ACTN1: variants seen among roughly 807,000 people sequenced by gnomAD.
The protein encoded by ACTN1 is actinin alpha 1.
ACTN1 carries 30 observed loss-of-function variants against 119.6 expected under a neutral mutation model. The ratio of observed to expected loss-of-function variants is 0.25; its 90% CI spans 0.19 to 0.34. The LOEUF (loss-of-function observed/expected upper bound fraction) is 0.34, where lower values mean the gene tolerates loss of function less well. ACTN1 is among the 10% of genes least tolerant of loss of function. The pLI is 1.00. For missense variants in ACTN1, 764 were observed against 1,223.4 expected, an observed-to-expected ratio of 0.62 and a Z score of 5.60; for synonymous variants, 429 against 472.6, an observed-to-expected ratio of 0.91 and a Z score of 1.20.
intron 1 of ACTN1, among the ~76,000 whole-genome samples, chr14:68,959,051 G>A (rs544363361): frequency 2.0e-4 from 31 of 152,260 alleles, no homozygotes; most frequent in African/African-American, 4.3e-4. Flanking sequence ...CAAAACCCGC[G>A]ATTACTTTTG....
At chr14:68,951,903 T>C (rs1389262009) in intron 1 of ACTN1, among the ~76,000 whole-genome samples, 1 of 152,242 alleles carries the variant, frequency 6.6e-6, no homozygotes, top group Non-Finnish European at 1.5e-5. Flanking sequence ...ACTATACTAA[T>C]GCTGGCAAAC....
intron 1 of ACTN1, among the ~76,000 whole-genome samples, chr14:68,975,912 T>C (rs2037044291): frequency 6.6e-6 from 1 of 152,126 alleles, no homozygotes; most frequent in Non-Finnish European, 1.5e-5. Flanking sequence ...CAGGCCATAC[T>C]TTCACCAAGG....
At chr14:68,901,249 GTT>G (rs564351239) in intron 8 of ACTN1, among the ~76,000 whole-genome samples, 15,131 of 103,092 alleles carry the variant, frequency 0.15, 563 homozygotes, top group African/African-American at 0.18. Context: ...TTTTTGTTTT[GTT>G]TTTTTTTTTT....
chr14:68,908,017 T>C (rs933638284), intron 6 of ACTN1, among the ~76,000 whole-genome samples: 2 of 152,084 alleles, frequency 1.3e-5, no homozygotes, highest in Non-Finnish European at 1.5e-5. Flanking sequence ...TCTCTTTTTT[T>C]TTTTTTCCTT....
intron 1 of ACTN1, among the ~76,000 whole-genome samples, chr14:68,966,572 AAAG>A (rs1465061460): frequency 6.6e-6 from 1 of 152,018 alleles, no homozygotes; most frequent in African/African-American, 2.4e-5. Context: ...CTAATAAATC[AAAG>A]AAGACAGTCT....
At chr14:68,915,544 A>C (rs1326393153) in intron 3 of ACTN1, among the ~76,000 whole-genome samples, 3 of 152,240 alleles carry the variant, frequency 2.0e-5, no homozygotes, top group African/African-American at 7.2e-5. Context: ...TTCAGTATGA[A>C]GCCTGGCACA....
At chr14:68,893,189 C>T (rs1194547983) in intron 9 of ACTN1, among the ~76,000 whole-genome samples, 1 of 152,180 alleles carries the variant, frequency 6.6e-6, no homozygotes, top group African/African-American at 2.4e-5. Flanking sequence ...GGAAACCCAG[C>T]ACTGTGCCAT....
Position 68,878,947 on chromosome 14 carries a change from C to T in ACTN1, c.2361+42G>A, listed in dbSNP as rs1286018412. 2.5e-6 allele frequency: 4 copies of T among 1,612,608 alleles called. 1 individual carries two copies. The Middle Eastern group carries it at 5.0e-4, about 200-fold the overall frequency. ...AGGAAAAACGCATTATTTCTTGCCC[C>T]AGACGCCACCCCTGAGCGTGCTCCA... On this transcript the variant is annotated intron_variant, in intron 19 of 21. Transcript: ENST00000394419. The surrounding 1 kb of genome is among the most constrained non-coding windows in gnomAD (Gnocchi z 4.4).
In ACTN1 at chr14:68,933,013, T is replaced by C. The variant is rs1229714278; in HGVS notation, c.106-7341A>G. On this transcript the variant is annotated intron_variant, in intron 1 of 21. Coordinates refer to ENST00000394419, the MANE Select transcript of ACTN1 (RefSeq NM_001130004.2). ...TGAGTGCTTTACCTCCTTTAACTCATTGAATCATCACAATGACACTGTGGG... is the reference window on the plus strand; with the variant it reads ...TGAGTGCTTTACCTCCTTTAACTCACTGAATCATCACAATGACACTGTGGG... Among the ~76,000 whole-genome samples the C allele has an allele frequency of 2.6e-5, 4 of 152,200 alleles. No individual in the cohort carries two copies. The East Asian group carries it at 5.8e-4, about 22-fold the overall frequency.
intron 21 of ACTN1, among the ~76,000 whole-genome samples, chr14:68,875,344 A>G (rs2030774323): frequency 6.6e-6 from 1 of 152,264 alleles, no homozygotes; most frequent in Non-Finnish European, 1.5e-5. Context: ...GAGCAGTATC[A>G]GCAGATACTC....
chr14:68,918,452 G>C (rs75044849), intron 3 of ACTN1, among the ~76,000 whole-genome samples: 1 of 152,004 alleles, frequency 6.6e-6, no homozygotes, highest in African/African-American at 2.4e-5. Context: ...CAGGCGTGGT[G>C]GTGGGCGCCT....
chr14:68,947,737 T>G (rs2035988798), intron 1 of ACTN1, among the ~76,000 whole-genome samples: 1 of 152,232 alleles, frequency 6.6e-6, no homozygotes, highest in Admixed American at 6.5e-5. Context: ...TCTTATTTTC[T>G]GTCCCCAAAT....
chr14:68,893,853 G>T, intron 8 of ACTN1, 106 bp from the exon 9 acceptor site: 2 of 1,055,830 alleles, frequency 1.9e-6, no homozygotes, highest in Non-Finnish European at 2.8e-6. Flanking sequence ...GCTCCCTGTG[G>T]TTGGAAGGGA....
Position 68,888,019 on chromosome 14 carries a change from C to T in ACTN1, c.1234+2120G>A, listed in dbSNP as rs999041655. ...TTGCAGGAGGTTTAACTGACAACCG[C>T]GCCGATCTCCTCTTGGGCTTTTCCT... is the stretch of plus-strand genomic sequence containing the variant. On this transcript the variant is annotated intron_variant, in intron 11 of 21. Coordinates refer to ENST00000394419, the MANE Select transcript of ACTN1 (RefSeq NM_001130004.2). The T allele has an allele frequency of 1.3e-4, 100 of 742,504 alleles. No individual in the cohort carries two copies. In the Middle Eastern group the frequency reaches 1.9e-3, roughly 14 times the overall value. 46.0% of individuals were successfully genotyped at this position (742,504 alleles called of 1,614,324 possible).
intron 1 of ACTN1, among the ~76,000 whole-genome samples, chr14:68,973,253 T>C (rs1264085530): frequency 6.6e-6 from 1 of 151,916 alleles, no homozygotes; most frequent in African/African-American, 2.4e-5. Flanking sequence ...CTGATAGGGT[T>C]TGGCTGTGTC....
chr14:68,918,004 G>T (rs1281166923), intron 3 of ACTN1, among the ~76,000 whole-genome samples: 3 of 152,214 alleles, frequency 2.0e-5, no homozygotes, highest in Admixed American at 6.5e-5. Context: ...GGGAGGTGGA[G>T]GTTGCAGTGA....
At chr14:68,908,204 G>A (rs2033787024) in intron 6 of ACTN1, among the ~76,000 whole-genome samples, 1 of 149,998 alleles carries the variant, frequency 6.7e-6, no homozygotes, top group African/African-American at 2.4e-5. Flanking sequence ...GTGGGGCGGG[G>A]CACGGTGCAG....
chr14:68,977,993 C>A lies in ACTN1; in HGVS notation c.105+959G>T, dbSNP rs754559592. ...CGGTAGGGTTGAGGCGCCCTCCCCC[C>A]ACCACCACGAGTGGTTTCTGACCTC... is the stretch of plus-strand genomic sequence containing the variant. On this transcript the variant is annotated intron_variant, in intron 1 of 21. Coordinates refer to ENST00000394419, the MANE Select transcript of ACTN1 (RefSeq NM_001130004.2). The A allele has an allele frequency of 8.8e-6, 4 of 456,114 alleles. No homozygotes were observed. In the East Asian group the frequency reaches 2.1e-4, roughly 24 times the overall value. 28.3% of individuals were successfully genotyped at this position (456,114 alleles called of 1,614,324 possible). A position where few individuals can be genotyped will look rare whatever the true frequency, so the allele number is the denominator to read the frequency against.
chr14:68,942,378 C>CA (rs35794383), intron 1 of ACTN1, among the ~76,000 whole-genome samples: 9 of 150,240 alleles, frequency 6.0e-5, no homozygotes, highest in Admixed American at 1.3e-4. Context: ...GACCCCAGCT[C>CA]AAAAAAAAAA....
Sources: allele counts gnomAD v4.1 joint callset (sites outside exome capture counted in the v4.1 genomes callset), GRCh38; gene constraint gnomAD v4.1.1; non-coding constraint Gnocchi (gnomAD v3.1); transcripts MANE v1.5; gene names NCBI Gene and HGNC (gene_info 2026-07-23, HGNC 2026-07-21).